Variants in ACBD6 observed in about 807,000 individuals in gnomAD.
ACBD6 encodes acyl-CoA binding domain containing 6.
ACBD6 carries 28 observed loss-of-function variants against 37.2 expected under a neutral mutation model. The observed-to-expected ratio is 0.75, with a 90% CI of 0.56 to 1.03. The LOEUF is 1.03. Among genes scored for constraint, ACBD6 ranks in the 50% least tolerant of loss-of-function variants. The probability of loss-of-function intolerance (pLI) is 0.00; values close to 1 mark genes in which losing one functional copy is unlikely to be tolerated. For synonymous variants in ACBD6, 113 were observed against 126.8 expected (o/e 0.89, Z 0.73); for missense variants, 340 against 337.4 (o/e 1.01, Z -0.06).
intron 3 of ACBD6, among the ~76,000 whole-genome samples, chr1:180,473,911 C>G (rs1331444163): frequency 6.6e-6 from 1 of 152,062 alleles, no homozygotes; most frequent in Non-Finnish European, 1.5e-5. Flanking sequence ...TTTCTTATAA[C>G]CTTTTACTTG....
chr1:180,318,166 C>CT lies in ACBD6; in HGVS notation c.664-3445_664-3444insA, dbSNP rs774078679. Among the ~76,000 whole-genome samples, 5 of 77,700 alleles carry CT rather than the reference C, an allele frequency of 6.4e-5. No individual in the cohort carries two copies. In the East Asian group the frequency reaches 1.5e-3, roughly 23 times the overall value. 51.0% of individuals were successfully genotyped at this position (77,700 alleles called of 152,430 possible). ...GACAGAGTAAGATTCCATCTCCGCC[C>CT]CCCCCCCCCAAAAAAAAAAGAAAGA... On this transcript the variant is annotated intron_variant, in intron 6 of 7. Coordinates refer to ENST00000367595, the MANE Select transcript of ACBD6 (RefSeq NM_032360.4).
At chr1:180,389,600 T>C (rs1432148959) in intron 6 of ACBD6, among the ~76,000 whole-genome samples, 1 of 152,258 alleles carries the variant, frequency 6.6e-6, no homozygotes, top group East Asian at 1.9e-4. Context: ...ATGGTTGAAC[T>C]AGTTTAAAGT....
At chr1:180,406,028 T>A (rs1647610629) in intron 5 of ACBD6, among the ~76,000 whole-genome samples, 1 of 152,094 alleles carries the variant, frequency 6.6e-6, no homozygotes. Context: ...TTTAAAAAAG[T>A]ACATATGACA....
At chr1:180,340,909 C>T (rs1055429836) in intron 6 of ACBD6, among the ~76,000 whole-genome samples, 3 of 151,756 alleles carry the variant, frequency 2.0e-5, no homozygotes, top group East Asian at 1.9e-4. Flanking sequence ...TGATGAGGAT[C>T]GAGATATCTA....
At chr1:180,275,917 AC>A (rs943341574) in intron 9 of ACBD6, 14 of 151,944 alleles carry the variant, frequency 9.2e-5, no homozygotes, top group African/African-American at 3.4e-4. Context: ...AGCAAGGCCA[AC>A]CCCCGCTTTA....
chr1:180,299,776 T>G (rs185288638), intron 7 of ACBD6, among the ~76,000 whole-genome samples: 2 of 151,788 alleles, frequency 1.3e-5, no homozygotes, highest in East Asian at 3.9e-4. Flanking sequence ...GTATTCCCAG[T>G]GGAGGAAGAG....
intron 3 of ACBD6, among the ~76,000 whole-genome samples, chr1:180,445,489 G>A (rs1649439488): frequency 6.6e-6 from 1 of 152,152 alleles, no homozygotes; most frequent in South Asian, 2.1e-4. Context: ...CATTATCACT[G>A]TATTTTATTT....
At chr1:180,363,379 G>C (rs1233419192) in intron 6 of ACBD6, among the ~76,000 whole-genome samples, 1 of 152,154 alleles carries the variant, frequency 6.6e-6, no homozygotes, top group African/African-American at 2.4e-5. Context: ...TATGAGCTAA[G>C]TGAAAATGAA....
chr1:180,438,198 C>T (rs1425544924), intron 3 of ACBD6: 1 of 152,780 alleles, frequency 6.5e-6, no homozygotes, highest in Non-Finnish European at 1.5e-5. Context: ...ATGGTTTAAT[C>T]CTGAAACCAT....
At chr1:180,489,326 TTAAAAG>T (rs1218466455) in intron 3 of ACBD6, among the ~76,000 whole-genome samples, 1 of 151,422 alleles carries the variant, frequency 6.6e-6, no homozygotes, top group African/African-American at 2.4e-5. Context: ...TCCTAACAGT[TTAAAAG>T]TAAAGACAAA....
chr1:180,489,666 T>C (rs1476748908), intron 3 of ACBD6, among the ~76,000 whole-genome samples: 2 of 151,908 alleles, frequency 1.3e-5, no homozygotes, highest in African/African-American at 4.8e-5. Flanking sequence ...GCAAGTCGTT[T>C]TTTTTTTTGA....
chr1:180,467,239 C>A (rs1054398478), intron 3 of ACBD6, among the ~76,000 whole-genome samples: 1 of 151,758 alleles, frequency 6.6e-6, no homozygotes, highest in Non-Finnish European at 1.5e-5. Flanking sequence ...GCTACCACAC[C>A]CAGCATGTAG....
intron 7 of ACBD6, among the ~76,000 whole-genome samples, chr1:180,294,528 A>T (rs925339920): frequency 1.3e-5 from 2 of 151,976 alleles, no homozygotes; most frequent in Non-Finnish European, 2.9e-5. Flanking sequence ...TGGGTGACTG[A>T]GACCCTGACT....
Position 180,413,874 on chromosome 1 carries a change from C to T in ACBD6, c.468-403G>A, listed in dbSNP as rs557432368. On this transcript the variant is annotated intron_variant, in intron 4 of 7. Transcript: ENST00000367595. ...CCAGCACTCTTCTAAGTATATTGCA[C>T]GTGCTAATTCACTTAATCTTTCATG... Among the ~76,000 whole-genome samples the T allele has an allele frequency of 1.7e-4, 26 of 152,230 alleles. 1 individual carries two copies. The South Asian group carries it at 1.9e-3, about 11-fold the overall frequency.
chr1:180,404,102 C>G (rs886711430), intron 5 of ACBD6, among the ~76,000 whole-genome samples: 1 of 152,050 alleles, frequency 6.6e-6, no homozygotes, highest in Non-Finnish European at 1.5e-5. Context: ...AGAAGTGCAG[C>G]ACCACGCCTG....
intron 3 of ACBD6, among the ~76,000 whole-genome samples, chr1:180,455,339 G>T (rs528832334): frequency 6.6e-6 from 1 of 152,074 alleles, no homozygotes; most frequent in Non-Finnish European, 1.5e-5. Context: ...CATGGACACG[G>T]GGAGGGGAAC....
intron 9 of ACBD6, among the ~76,000 whole-genome samples, chr1:180,279,395 C>T (rs560658299): frequency 3.3e-5 from 5 of 152,078 alleles, no homozygotes; most frequent in Non-Finnish European, 7.4e-5. Flanking sequence ...TTCCTGGGTT[C>T]GAGTGATTTT....
At chr1:180,329,297 A>G (rs1028138094) in intron 6 of ACBD6, among the ~76,000 whole-genome samples, 1 of 152,152 alleles carries the variant, frequency 6.6e-6, no homozygotes, top group African/African-American at 2.4e-5. Context: ...ATGGACCCAG[A>G]CTACTTTTGC....
At chr1:180,422,730 C>G (rs1421335913) in intron 4 of ACBD6, among the ~76,000 whole-genome samples, 1 of 152,140 alleles carries the variant, frequency 6.6e-6, no homozygotes, top group African/African-American at 2.4e-5. Context: ...TATAGTGCTA[C>G]ATACAATGAT....
Sources: gnomAD v4.1 joint callset for allele counts (sites outside exome capture counted in the v4.1 genomes callset) on GRCh38, gnomAD v4.1.1 for gene constraint, MANE v1.5 for transcripts, NCBI Gene and HGNC (gene_info 2026-07-23, HGNC 2026-07-21) for gene names.